FAM170A: variants seen among roughly 807,000 people sequenced by gnomAD.
The protein encoded by FAM170A is protein FAM170A.
A neutral mutation model predicts 36.6 loss-of-function variants in FAM170A; 28 were observed. The ratio of observed to expected loss-of-function variants is 0.76; its 90% CI spans 0.57 to 1.05. The LOEUF is 1.05. FAM170A is among the 50% of genes least tolerant of loss of function. FAM170A has a pLI of 0.00. For synonymous variants in FAM170A, 156 were observed against 143.9 expected (o/e 1.08, Z -0.60); for missense variants, 434 against 396.5 (o/e 1.09, Z -0.80).
intron 1 of FAM170A, among the ~76,000 whole-genome samples, chr5:119,630,409 G>A (rs576944310): frequency 6.7e-6 from 1 of 149,110 alleles, no homozygotes; most frequent in East Asian, 2.0e-4. Flanking sequence ...CTGACCTCAT[G>A]ATCCACCTGC....
At chr5:119,630,444 T>C (rs1266199132) in intron 1 of FAM170A, among the ~76,000 whole-genome samples, 1 of 151,924 alleles carries the variant, frequency 6.6e-6, no homozygotes, top group Non-Finnish European at 1.5e-5. Flanking sequence ...GTGCTGGGAT[T>C]ATAGGCGTGA....
Position 119,634,670 on chromosome 5 carries a change from CT to C in FAM170A, c.924del (p.Gly309AlafsTer2). 6.3e-7 allele frequency: 1 copy of C among 1,588,126 alleles called. No homozygotes were observed. The highest frequency in any genetic ancestry group is 8.6e-7 in the Non-Finnish European group (1 of 1,168,230). On this transcript the variant is annotated frameshift_variant, in exon 3 of 5. Transcript: ENST00000613773. LOFTEE classifies it high-confidence loss of function. Reference sequence around the variant, plus strand: ...GGAGGGGCAGCCCACAGAAGAAGACCTTGGCCTGAGGAGATCCTGGAGCCAA... The same window carrying C: ...GGAGGGGCAGCCCACAGAAGAAGACCTGGCCTGAGGAGATCCTGGAGCCAA...
chr5:119,633,921 GC>G lies in FAM170A; in HGVS notation c.212-36del, dbSNP rs537216523. The G allele has an allele frequency of 6.1e-3, 9,671 of 1,582,816 alleles. 46 individuals carry two copies. The highest frequency in any genetic ancestry group is 7.3e-3 in the Non-Finnish European group (8,475 of 1,163,402). The stretch of plus-strand genomic sequence containing the variant: ...TTACGTTCCCTCAGCTCCTAGCATG[GC>G]CCATGCATCTGCTCATGTTTCTAAT... On this transcript the variant is annotated intron_variant, in intron 2 of 4. Coordinates refer to ENST00000613773, the Ensembl canonical transcript of FAM170A.
At chr5:119,632,930 T>A (rs1186151340) in intron 2 of FAM170A, 42 bp downstream of exon 2, 1 of 1,520,916 alleles carries the variant, frequency 6.6e-7, no homozygotes, top group Non-Finnish European at 8.9e-7. Flanking sequence ...TCCTTGGCTG[T>A]GGGGTTCATT....
At chr5:119,635,649 A>G (rs576949185) in intron 4 of FAM170A, 51 bp from the exon 5 acceptor site, 1 of 154,814 alleles carries the variant, frequency 6.5e-6, no homozygotes, top group South Asian at 2.0e-4. Flanking sequence ...CAATGCTTGT[A>G]TTGTTTCTTG....
exon 3 of FAM170A, chr5:119,633,978 G>C: frequency 1.2e-6 from 2 of 1,611,086 alleles, no homozygotes; most frequent in South Asian, 1.1e-5. Flanking sequence ...AGAATACATC[G>C]AGACAGCCCC....
chr5:119,632,602 G>A (rs1229665963), intron 1 of FAM170A, 146 bp from the exon 2 acceptor site: 4 of 642,214 alleles, frequency 6.2e-6, no homozygotes, highest in African/African-American at 1.8e-5. Context: ...AAATACTGGA[G>A]TATCCACCAG....
At chr5:119,630,560 G>A (rs1346271329) in intron 1 of FAM170A, among the ~76,000 whole-genome samples, 1 of 152,094 alleles carries the variant, frequency 6.6e-6, no homozygotes, top group Non-Finnish European at 1.5e-5. Flanking sequence ...GCTGATGCCC[G>A]CACATCCATC....
chr5:119,630,321 A>ATTTTTTTTTT (rs10603530), intron 1 of FAM170A, among the ~76,000 whole-genome samples: 6 of 118,396 alleles, frequency 5.1e-5, no homozygotes, highest in Admixed American at 8.6e-5. Flanking sequence ...CGCCTGGCTA[A>ATTTTTTTTTT]TTTTTTTTTT....
At chr5:119,629,674 T>C in exon 1 of FAM170A, 1 of 939,152 alleles carries the variant, frequency 1.1e-6, no homozygotes, top group East Asian at 2.6e-5. Flanking sequence ...CTGAATCTTT[T>C]TAATGAATTT....
chr5:119,635,042 G>C, exon 4 of FAM170A: 2 of 1,614,108 alleles, frequency 1.2e-6, no homozygotes, highest in Non-Finnish European at 1.7e-6. Context: ...TGAGACTTAT[G>C]GGCCAGAAGA....
chr5:119,634,283 A>C (rs768999191), exon 3 of FAM170A: 1 of 1,614,220 alleles, frequency 6.2e-7, no homozygotes, highest in East Asian at 2.2e-5. Context: ...TGTGTCCACC[A>C]GAAACCTCCT....
chr5:119,634,300 C>A (rs1756326880), exon 3 of FAM170A: 1 of 1,614,066 alleles, frequency 6.2e-7, no homozygotes, highest in African/African-American at 1.3e-5. Context: ...TCCTGTCTGA[C>A]AGTGAGCCCA....
chr5:119,634,872 A>G (rs1756345996), intron 3 of FAM170A, 138 bp downstream of exon 3: 1 of 1,217,942 alleles, frequency 8.2e-7, no homozygotes, highest in Admixed American at 2.1e-5. Context: ...GGAGGGGGAC[A>G]TAACTGGGAT....
intron 1 of FAM170A, among the ~76,000 whole-genome samples, chr5:119,631,878 C>T (rs975104960): frequency 6.6e-6 from 1 of 152,172 alleles, no homozygotes; most frequent in Admixed American, 6.5e-5. Flanking sequence ...GCATAGACCA[C>T]AACGAAACAA....
chr5:119,629,889 G>A (rs1263503717), intron 1 of FAM170A, 51 bp downstream of exon 1: 1 of 1,433,096 alleles, frequency 7.0e-7, no homozygotes, highest in South Asian at 1.2e-5. Context: ...GCCAGCCTGA[G>A]CCGCCTTCTT....
At chr5:119,630,412 C>A (rs1756224233) in intron 1 of FAM170A, among the ~76,000 whole-genome samples, 1 of 151,244 alleles carries the variant, frequency 6.6e-6, no homozygotes, top group East Asian at 2.0e-4. Flanking sequence ...ACCTCATGAT[C>A]CACCTGCCTC....
At chr5:119,634,810 G>A (rs183563208) in intron 3 of FAM170A, 76 bp downstream of exon 3, 216 of 1,440,850 alleles carry the variant, frequency 1.5e-4, no homozygotes, top group Non-Finnish European at 1.9e-4. Flanking sequence ...CCCAGTTCAG[G>A]CTTAGGTCTC....
At chr5:119,634,858 C>T (rs1037237389) in intron 3 of FAM170A, 124 bp downstream of exon 3, 19 of 1,238,390 alleles carry the variant, frequency 1.5e-5, no homozygotes, top group Middle Eastern at 4.0e-4. Flanking sequence ...GCTCAGGGAA[C>T]AATGGAGGGG....
Sources: gnomAD v4.1 joint callset for allele counts (sites outside exome capture counted in the v4.1 genomes callset) on GRCh38, gnomAD v4.1.1 for gene constraint, MANE v1.5 for transcripts, NCBI Gene and HGNC (gene_info 2026-07-23, HGNC 2026-07-21) for gene names.